The following PITPNC1 variants were observed in gnomAD, a reference collection of about 807,000 sequenced individuals.
The protein encoded by PITPNC1 is cytoplasmic phosphatidylinositol transfer protein 1.
Under a neutral mutation model 44.7 loss-of-function variants are expected in PITPNC1, and 18 were observed. The observed-to-expected ratio is 0.40, with a 90% CI of 0.28 to 0.60. The LOEUF is 0.60. Among genes scored for constraint, PITPNC1 ranks in the 20% least tolerant of loss-of-function variants. The pLI is 0.39. For synonymous variants in PITPNC1, 141 were observed against 149.6 expected (o/e 0.94, Z 0.42); for missense variants, 290 against 418.4 (o/e 0.69, Z 2.68).
chr17:67,386,095 G>A (rs2038046432), intron 1 of PITPNC1, among the ~76,000 whole-genome samples: 1 of 152,326 alleles, frequency 6.6e-6, no homozygotes, highest in Non-Finnish European at 1.5e-5. Flanking sequence ...GAGTGTGACT[G>A]ATACTCCAAA....
chr17:67,621,628 T>TA (rs1203180691), intron 5 of PITPNC1, among the ~76,000 whole-genome samples: 1 of 152,210 alleles, frequency 6.6e-6, no homozygotes, highest in Admixed American at 6.5e-5. Flanking sequence ...GACCTTCTCT[T>TA]ACACATTTTT....
At chr17:67,542,975 G>C (rs1451293946) in intron 2 of PITPNC1, among the ~76,000 whole-genome samples, 1 of 152,202 alleles carries the variant, frequency 6.6e-6, no homozygotes, top group Non-Finnish European at 1.5e-5. Context: ...GTGTGCTTTG[G>C]CTGGTGGTTA....
At chr17:67,678,478 C>T (rs2042644395) in intron 8 of PITPNC1, among the ~76,000 whole-genome samples, 1 of 152,304 alleles carries the variant, frequency 6.6e-6, no homozygotes, top group Middle Eastern at 3.4e-3. Flanking sequence ...AGTGGGTCTC[C>T]CCCTGCATAC....
At chr17:67,532,608 G>C (rs76835425) in intron 1 of PITPNC1, among the ~76,000 whole-genome samples, 194 bp from the exon 2 acceptor site, 164 of 152,184 alleles carry the variant, frequency 1.1e-3, no homozygotes, top group African/African-American at 3.8e-3. Context: ...ACGGGAACAC[G>C]CCGTCTCGAT....
intron 1 of PITPNC1, among the ~76,000 whole-genome samples, chr17:67,410,279 T>G (rs1435212692): frequency 6.6e-6 from 1 of 152,216 alleles, no homozygotes; most frequent in Non-Finnish European, 1.5e-5. Flanking sequence ...AGTATCTCTT[T>G]GTTTGATTTA....
chr17:67,541,098 C>CT (rs2040600207), intron 2 of PITPNC1, among the ~76,000 whole-genome samples: 2 of 152,228 alleles, frequency 1.3e-5, no homozygotes, highest in African/African-American at 4.8e-5. Flanking sequence ...GCCTGTAATC[C>CT]CAGCTACTCG....
chr17:67,585,996 G>C (rs2041310771), intron 5 of PITPNC1, among the ~76,000 whole-genome samples: 1 of 152,136 alleles, frequency 6.6e-6, no homozygotes, highest in Non-Finnish European at 1.5e-5. Context: ...GTGGTGTTCT[G>C]TTATGGCTGA....
intron 2 of PITPNC1, among the ~76,000 whole-genome samples, chr17:67,534,746 A>G (rs111334741): frequency 6.6e-6 from 1 of 152,336 alleles, no homozygotes; most frequent in African/African-American, 2.4e-5. Flanking sequence ...CAGCCATTTC[A>G]TGAATACTTT....
rs1401713910 is a variant in PITPNC1 at position 67,677,568 on chromosome 17, ACTT to A, written c.682+2030_682+2032del. On this transcript the variant is annotated intron_variant, in intron 8 of 8. Coordinates refer to ENST00000581322, the MANE Select transcript of PITPNC1 (RefSeq NM_012417.4). ...CCTAGGGCAAGGAAGAGACTTAGGG[ACTT>A]CTTTTTTTTTTTTTGAGACAGAGTC... 1.1e-4 allele frequency among the ~76,000 whole-genome samples: 16 copies of A among 149,182 alleles called. 1 individual carries two copies. Among genetic ancestry groups the A allele is most frequent in the South Asian group, 8.4e-4 (4 of 4,744 alleles).
At chr17:67,417,457 G>T (rs539609562) in intron 1 of PITPNC1, among the ~76,000 whole-genome samples, 2 of 152,228 alleles carry the variant, frequency 1.3e-5, no homozygotes, top group Admixed American at 1.3e-4. Flanking sequence ...TGATTCTTGA[G>T]CCCACCATGG....
intron 6 of PITPNC1, among the ~76,000 whole-genome samples, chr17:67,662,219 C>T (rs1325280698): frequency 2.0e-5 from 3 of 151,904 alleles, no homozygotes; most frequent in African/African-American, 4.8e-5. Flanking sequence ...TCTGGGAAGC[C>T]GAGGCAGGTG....
intron 1 of PITPNC1, among the ~76,000 whole-genome samples, chr17:67,450,787 A>G (rs1334746200): frequency 6.6e-6 from 1 of 152,164 alleles, no homozygotes; most frequent in Non-Finnish European, 1.5e-5. Flanking sequence ...CTGGGCAACC[A>G]TCATCACTGT....
intron 1 of PITPNC1, among the ~76,000 whole-genome samples, chr17:67,390,528 C>G (rs2038122571): frequency 6.6e-6 from 1 of 152,320 alleles, no homozygotes; most frequent in South Asian, 2.1e-4. Context: ...AATACACATT[C>G]AGGAGGAGAT....
In PITPNC1 at chr17:67,426,713, T is replaced by C. The variant is rs988300675; in HGVS notation, c.48+48511T>C. On this transcript the variant is annotated intron_variant, in intron 1 of 8. Coordinates refer to ENST00000581322, the MANE Select transcript of PITPNC1 (RefSeq NM_012417.4). Reference sequence around the variant, plus strand: ...AACAAAACTGCTCATTCTGCACATGTATCCCAGAACTTAAAATAAAAATAA... The same window carrying C: ...AACAAAACTGCTCATTCTGCACATGCATCCCAGAACTTAAAATAAAAATAA... Among the ~76,000 whole-genome samples the C allele has an allele frequency of 1.2e-4, 16 of 138,034 alleles. No individual in the cohort carries two copies. The South Asian group carries it at 1.6e-3, about 14-fold the overall frequency. 90.6% of individuals were successfully genotyped at this position (138,034 alleles called of 152,430 possible).
intron 1 of PITPNC1, among the ~76,000 whole-genome samples, chr17:67,522,892 A>G (rs2040346811): frequency 6.6e-6 from 1 of 151,202 alleles, no homozygotes; most frequent in African/African-American, 2.4e-5. Flanking sequence ...GTGGTCACCA[A>G]CTCTTGGGCT....
chr17:67,402,398 A>G (rs1292511241), intron 1 of PITPNC1, among the ~76,000 whole-genome samples: 3 of 152,164 alleles, frequency 2.0e-5, no homozygotes, highest in Non-Finnish European at 2.9e-5. Context: ...AAACCACTGG[A>G]ACTTCAGCTT....
chr17:67,420,130 C>T (rs1434112327), intron 1 of PITPNC1, among the ~76,000 whole-genome samples: 1 of 152,136 alleles, frequency 6.6e-6, no homozygotes, highest in Non-Finnish European at 1.5e-5. Flanking sequence ...AAAAGGCACT[C>T]TGTGGAAGAG....
intron 8 of PITPNC1, among the ~76,000 whole-genome samples, chr17:67,688,784 G>A (rs1327614568): frequency 6.6e-6 from 1 of 152,162 alleles, no homozygotes; most frequent in Non-Finnish European, 1.5e-5. Flanking sequence ...GCAAACAAAG[G>A]AAGAAGCCAC....
rs62086168 is a variant in PITPNC1, at chr17:67,600,135, C to T, written c.366+21878C>T. Among the ~76,000 whole-genome samples the T allele has an allele frequency of 2.6e-5, 4 of 152,082 alleles. No individual in the cohort carries two copies. The South Asian group carries it at 8.3e-4, about 32-fold the overall frequency. On this transcript the variant is annotated intron_variant, in intron 5 of 8. Transcript: ENST00000581322. ...TTTCATTCTTTCAGGTGAAAGGAAC[C>T]TGAAAAGAATCCCCTGTGTCTGATG...
Sources: allele counts gnomAD v4.1 joint callset (sites outside exome capture counted in the v4.1 genomes callset), GRCh38; gene constraint gnomAD v4.1.1; transcripts MANE v1.5; gene names NCBI Gene and HGNC (gene_info 2026-07-23, HGNC 2026-07-21).